The following LRP1B variants were observed in gnomAD, a reference collection of about 807,000 sequenced individuals.
LRP1B encodes low-density lipoprotein receptor-related protein 1B.
Under a neutral mutation model 556.6 loss-of-function variants are expected in LRP1B, and 217 were observed. The observed-to-expected ratio is 0.39, with a 90% CI of 0.35 to 0.44. The LOEUF (loss-of-function observed/expected upper bound fraction) is 0.44. Ranked by LOEUF, LRP1B falls within the 20% of genes least tolerant of loss-of-function variation. The pLI, the probability that LRP1B is intolerant of heterozygous loss-of-function variation, is 1.00. For synonymous variants in LRP1B, 2,047 were observed against 1,865.8 expected, an observed-to-expected ratio of 1.10 and a Z score of -2.50; for missense variants, 5,053 against 5,620.8, an observed-to-expected ratio of 0.90 and a Z score of 3.23.
intron 2 of LRP1B, among the ~76,000 whole-genome samples, chr2:141,647,847 A>G (rs1342835566): frequency 6.6e-6 from 1 of 152,072 alleles, no homozygotes; most frequent in East Asian, 1.9e-4. Flanking sequence ...TTGAAATAAT[A>G]AAACCATCTC....
In LRP1B at chr2:141,612,694, G is replaced by A. The variant is rs867523820; in HGVS notation, c.206-132161C>T. 1.5e-4 allele frequency among the ~76,000 whole-genome samples: 23 copies of A among 152,170 alleles called. No individual in the cohort carries two copies. In the East Asian group the frequency reaches 4.3e-3, roughly 28 times the overall value. ...AAGATTCTTCACATTAATGCCATAG[G>A]CAACCACTGGAGAGTACTATAGGTT... is the stretch of plus-strand genomic sequence containing the variant. On this transcript the variant is annotated intron_variant, in intron 2 of 90. Transcript: ENST00000389484.
intron 2 of LRP1B, among the ~76,000 whole-genome samples, chr2:141,493,908 CAAGT>C (rs933512952): frequency 1.4e-4 from 22 of 152,262 alleles, no homozygotes; most frequent in African/African-American, 5.3e-4. Context: ...TTAGTGAATA[CAAGT>C]AAGTTTTTCA....
At chr2:140,776,524 T>C (rs894174841) in intron 32 of LRP1B, among the ~76,000 whole-genome samples, 2 of 149,852 alleles carry the variant, frequency 1.3e-5, no homozygotes, top group Non-Finnish European at 3.0e-5. Context: ...TGTAAGTATA[T>C]AGATGTAAAT....
At chr2:140,888,409 A>C (rs1324766547) in intron 23 of LRP1B, among the ~76,000 whole-genome samples, 1 of 151,934 alleles carries the variant, frequency 6.6e-6, no homozygotes, top group Non-Finnish European at 1.5e-5. Context: ...AATACAACAA[A>C]AGATATTACT....
At chr2:142,066,284 T>TTTGC (rs1260257163) in intron 1 of LRP1B, among the ~76,000 whole-genome samples, 2 of 151,112 alleles carry the variant, frequency 1.3e-5, no homozygotes, top group Non-Finnish European at 3.0e-5. Context: ...CAGTTTTTTG[T>TTTGC]TTAACAGTTC....
In LRP1B at chr2:141,362,101, A is replaced by C. The variant is rs1052796277; in HGVS notation, c.344-107460T>G. Among the ~76,000 whole-genome samples the C allele has an allele frequency of 4.6e-5, 7 of 152,320 alleles. No individual in the cohort carries two copies. In the South Asian group the frequency reaches 1.4e-3, roughly 32 times the overall value. On this transcript the variant is annotated intron_variant, in intron 3 of 90. Coordinates refer to ENST00000389484, the MANE Select transcript of LRP1B (RefSeq NM_018557.3). Reference sequence around the variant, plus strand: ...TATTTAGAGAGCTATTTAGTATCTAAGATCAAAGACAGTCTTTTAAATTTA... The same window carrying C: ...TATTTAGAGAGCTATTTAGTATCTACGATCAAAGACAGTCTTTTAAATTTA...
At chr2:141,899,242 C>T (rs986249415) in intron 1 of LRP1B, among the ~76,000 whole-genome samples, 1 of 152,086 alleles carries the variant, frequency 6.6e-6, no homozygotes, top group Non-Finnish European at 1.5e-5. Flanking sequence ...ATGGAATCTG[C>T]TAGTTAAATC....
intron 59 of LRP1B, 151 bp downstream of exon 59, chr2:140,485,192 C>G: frequency 2.1e-6 from 1 of 480,852 alleles, no homozygotes; most frequent in South Asian, 6.3e-5. Flanking sequence ...TTGTGATAAT[C>G]ACATTACTGT....
chr2:141,946,211 C>G (rs552519874), intron 1 of LRP1B, among the ~76,000 whole-genome samples: 1 of 152,250 alleles, frequency 6.6e-6, no homozygotes, highest in East Asian at 1.9e-4. Flanking sequence ...CTGCCTGCTC[C>G]TGCTCCATTC....
intron 7 of LRP1B, among the ~76,000 whole-genome samples, chr2:141,166,281 T>C (rs1287551582): frequency 1.3e-5 from 2 of 151,770 alleles, no homozygotes; most frequent in Non-Finnish European, 2.9e-5. Flanking sequence ...TTCCTTCCCA[T>C]CGTTTTATTG....
intron 66 of LRP1B, among the ~76,000 whole-genome samples, chr2:140,388,475 A>T (rs2105204189): frequency 6.6e-6 from 1 of 152,268 alleles, no homozygotes; most frequent in East Asian, 1.9e-4. Flanking sequence ...TTTGTATCAT[A>T]GTTTGTGTTT....
At chr2:140,345,043 G>T (rs1681582076) in intron 77 of LRP1B, among the ~76,000 whole-genome samples, 1 of 151,658 alleles carries the variant, frequency 6.6e-6, no homozygotes, top group Admixed American at 6.6e-5. Flanking sequence ...CTGACATTGT[G>T]GTGAAGGGTT....
intron 66 of LRP1B, among the ~76,000 whole-genome samples, chr2:140,398,490 G>T (rs149227806): frequency 8.2e-4 from 125 of 151,596 alleles, no homozygotes; most frequent in African/African-American, 2.9e-3. Flanking sequence ...ACAAAAATCA[G>T]ATTTTCTGTT....
At chr2:141,137,944 G>T (rs1701530243) in intron 7 of LRP1B, among the ~76,000 whole-genome samples, 2 of 151,300 alleles carry the variant, frequency 1.3e-5, no homozygotes, top group African/African-American at 2.4e-5. Context: ...ATTCTCCGAG[G>T]TCATCACTAC....
At chr2:141,674,082 T>C (rs1041803247) in intron 2 of LRP1B, among the ~76,000 whole-genome samples, 1 of 152,072 alleles carries the variant, frequency 6.6e-6, no homozygotes, top group African/African-American at 2.4e-5. Context: ...CCATTGTTAA[T>C]AGCACATCTG....
intron 3 of LRP1B, among the ~76,000 whole-genome samples, chr2:141,422,702 GT>G (rs1352799603): frequency 6.6e-6 from 1 of 152,030 alleles, no homozygotes; most frequent in Admixed American, 6.6e-5. Context: ...CTATATACTT[GT>G]TGATAATGAT....
chr2:141,646,792 A>G (rs928844022), intron 2 of LRP1B, among the ~76,000 whole-genome samples: 1 of 152,126 alleles, frequency 6.6e-6, no homozygotes, highest in Non-Finnish European at 1.5e-5. Context: ...AAATGGGTTG[A>G]TTTGTTCATG....
At chr2:140,840,613 G>A (rs566084191) in intron 30 of LRP1B, among the ~76,000 whole-genome samples, 1 of 152,128 alleles carries the variant, frequency 6.6e-6, no homozygotes, top group Non-Finnish European at 1.5e-5. Context: ...TTTAACCACT[G>A]GCTTTCAAAA....
chr2:140,697,417 T>C (rs1453823349), intron 41 of LRP1B, among the ~76,000 whole-genome samples: 1 of 151,900 alleles, frequency 6.6e-6, no homozygotes, highest in Admixed American at 6.6e-5. Flanking sequence ...TGAATATATA[T>C]ATACATATAT....
Sources: allele counts gnomAD v4.1 joint callset (sites outside exome capture counted in the v4.1 genomes callset), GRCh38; gene constraint gnomAD v4.1.1; transcripts MANE v1.5; gene names NCBI Gene and HGNC (gene_info 2026-07-23, HGNC 2026-07-21).